Variants in SERF1B observed in about 807,000 individuals in gnomAD.
The protein encoded by SERF1B is small EDRK-rich factor 1.
chr5:70,038,042 CTGCTTGCTGGTACATAAGTTCT>C (rs1774221079), intron 2 of SERF1B, among the ~76,000 whole-genome samples: 1 of 124,184 alleles, frequency 8.1e-6, no homozygotes, highest in Non-Finnish European at 1.6e-5. Context: ...TTGGACAAGA[CTGCTTGCTGGTACATAAGTTCT>C]GGAACACTTC....
At chr5:70,037,843 C>A (rs1250631868) in intron 2 of SERF1B, among the ~76,000 whole-genome samples, 8 of 108,346 alleles carry the variant, frequency 7.4e-5, no homozygotes, top group East Asian at 2.4e-4. Context: ...CGCCTGTAAT[C>A]CCAACTACTT....
chr5:70,038,100 G>T (rs1035219588), intron 2 of SERF1B, among the ~76,000 whole-genome samples: 2 of 138,004 alleles, frequency 1.4e-5, no homozygotes, highest in Non-Finnish European at 3.1e-5. Flanking sequence ...CTGAGCCTTG[G>T]TATTTAAAAG....
At chr5:70,029,234 T>G (rs1172031803) in intron 2 of SERF1B, among the ~76,000 whole-genome samples, 7 of 151,806 alleles carry the variant, frequency 4.6e-5, no homozygotes, top group Middle Eastern at 3.4e-3. Flanking sequence ...CTCCTGGGCT[T>G]AAGCGATTCT....
intron 2 of SERF1B, among the ~76,000 whole-genome samples, chr5:70,038,267 A>T (rs1199607848): frequency 1.4e-4 from 21 of 149,388 alleles, no homozygotes; most frequent in Admixed American, 1.3e-3. Flanking sequence ...AGGGTAGCTT[A>T]TGAATGGATA....
intron 2 of SERF1B, chr5:70,032,273 TG>T: frequency 2.0e-6 from 1 of 510,998 alleles, no homozygotes; most frequent in Non-Finnish European, 3.6e-6. Flanking sequence ...AATATATAAT[TG>T]GTTTTTCTGT....
At chr5:70,038,612 C>G (rs931907676) in intron 2 of SERF1B, among the ~76,000 whole-genome samples, 9 of 6,788 alleles carry the variant, frequency 1.3e-3, no homozygotes, top group African/African-American at 4.4e-3. Context: ...GAGTGAGACT[C>G]CGTCTCAAAA....
chr5:70,037,691 C>T (rs1451161695), intron 2 of SERF1B, among the ~76,000 whole-genome samples: 1 of 114,930 alleles, frequency 8.7e-6, no homozygotes, highest in Non-Finnish European at 1.7e-5. Flanking sequence ...CATGGTGGCT[C>T]ATGCCTATAA....
intron 2 of SERF1B, among the ~76,000 whole-genome samples, chr5:70,029,106 C>G (rs577385302): frequency 6.1e-4 from 92 of 151,844 alleles, no homozygotes; most frequent in African/African-American, 2.2e-3. Context: ...TAAAAAGCAC[C>G]CTAGGTAAAT....
At chr5:70,036,594 TACACACACAC>T (rs1212936359) in intron 2 of SERF1B, among the ~76,000 whole-genome samples, 2 of 106,444 alleles carry the variant, frequency 1.9e-5, no homozygotes, top group South Asian at 2.6e-4. Context: ...TCTCAAAACA[TACACACACAC>T]ACACACACAC....
At position 70,037,751 on chromosome 5, in the gene SERF1B, A is replaced by G. The variant is rs866635870; in HGVS notation, c.117-3773A>G. 1.5e-4 allele frequency among the ~76,000 whole-genome samples: 17 copies of G among 111,118 alleles called. 4 individuals carry two copies. Among genetic ancestry groups the G allele is most frequent in the African/African-American group, 8.7e-4 (16 of 18,484 alleles). The allele number at this position is 111,118 out of a possible 152,430, so 72.9% of individuals were successfully genotyped here. A position where few individuals can be genotyped will look rare whatever the true frequency, so the allele number is the denominator to read the frequency against. Reference sequence around the variant, plus strand: ...TGAGGTGGGCAGATCACCTGAGGTCAGGAGTTCAAGACCAGCCTGGCCAAC... The same window carrying G: ...TGAGGTGGGCAGATCACCTGAGGTCGGGAGTTCAAGACCAGCCTGGCCAAC... On this transcript the variant is annotated intron_variant, in intron 2 of 2. Coordinates refer to ENST00000380750, the MANE Select transcript of SERF1B (RefSeq NM_022978.3).
In SERF1B at chr5:70,041,511, T is replaced by C; in HGVS notation, c.117-13T>C. 1 of 636,074 alleles carries C rather than the reference T, an allele frequency of 1.6e-6. No homozygotes were observed. Among genetic ancestry groups the C allele is most frequent in the Non-Finnish European group, 2.8e-6 (1 of 352,570 alleles). The allele number at this position is 636,074 out of a possible 1,614,324, so 39.4% of individuals were successfully genotyped here. A position where few individuals can be genotyped will look rare whatever the true frequency, so the allele number is the denominator to read the frequency against. On this transcript the variant is annotated splice_polypyrimidine_tract_variant and intron_variant, in intron 2 of 2. Transcript: ENST00000380750. ...TTAGTGGCTTAAAACAACAGAAATA[T>C]TTCTGTTCACAGTTCTGGAGGCCAG...
At chr5:70,036,703 C>T (rs1774195317) in intron 2 of SERF1B, among the ~76,000 whole-genome samples, 1 of 135,858 alleles carries the variant, frequency 7.4e-6, no homozygotes, top group Non-Finnish European at 1.6e-5. Context: ...AATTGTCAGT[C>T]ATAGTTATCT....
In SERF1B at chr5:70,036,633, T is replaced by A. The variant is rs867555547; in HGVS notation, c.117-4891T>A. Among the ~76,000 whole-genome samples the A allele has an allele frequency of 2.8e-3, 381 of 134,208 alleles. 4 individuals are homozygous for A. Among genetic ancestry groups the A allele is most frequent in the African/African-American group, 9.3e-3 (272 of 29,210 alleles). The allele number at this position is 134,208 out of a possible 152,430, so 88.0% of individuals were successfully genotyped here. On this transcript the variant is annotated intron_variant, in intron 2 of 2. Transcript: ENST00000380750. ...CACACACACACACACACACACACTC[T>A]CTCTCTCTCTCTCTCTCTCTCTCTC... is the stretch of plus-strand genomic sequence containing the variant.
intron 2 of SERF1B, among the ~76,000 whole-genome samples, chr5:70,036,594 T>TACACAC (rs1212936359): frequency 1.1e-3 from 112 of 106,290 alleles, no homozygotes; most frequent in African/African-American, 3.8e-3. Context: ...TCTCAAAACA[T>TACACAC]ACACACACAC....
At chr5:70,036,629 A>ACACACTCTCTCTCTCT (rs763495681) in intron 2 of SERF1B, among the ~76,000 whole-genome samples, 187 of 49,916 alleles carry the variant, frequency 3.7e-3, no homozygotes, top group Middle Eastern at 0.011. Context: ...ACACACACAC[A>ACACACTCTCTCTCTCT]CTCTCTCTCT....
chr5:70,037,765 A>G (rs1774213592), intron 2 of SERF1B, among the ~76,000 whole-genome samples: 1 of 112,584 alleles, frequency 8.9e-6, no homozygotes. Context: ...GTTCAAGACC[A>G]GCCTGGCCAA....
At chr5:70,029,098 A>C (rs1445366967) in intron 2 of SERF1B, among the ~76,000 whole-genome samples, 1 of 151,934 alleles carries the variant, frequency 6.6e-6, no homozygotes, top group African/African-American at 2.4e-5. Flanking sequence ...TCGAGCATTA[A>C]AAAGCACCCT....
intron 2 of SERF1B, among the ~76,000 whole-genome samples, chr5:70,038,478 C>T (rs1198075237): frequency 1.1e-4 from 7 of 64,220 alleles, no homozygotes; most frequent in African/African-American, 3.5e-4. Flanking sequence ...GGCATGGTGG[C>T]AGGCGCCTGT....
intron 2 of SERF1B, among the ~76,000 whole-genome samples, chr5:70,036,477 C>T (rs1354260077): frequency 1.1e-5 from 1 of 88,332 alleles, no homozygotes; most frequent in East Asian, 3.5e-4. Context: ...GTCCCAGCTA[C>T]TTGGGAGGCT....
Sources: gnomAD v4.1 joint callset for allele counts (sites outside exome capture counted in the v4.1 genomes callset) on GRCh38, gnomAD v4.1.1 for gene constraint, MANE v1.5 for transcripts, NCBI Gene and HGNC (gene_info 2026-07-23, HGNC 2026-07-21) for gene names.